The following GRID2 variants were observed in gnomAD, a reference collection of about 807,000 sequenced individuals.
GRID2 encodes the protein glutamate ionotropic receptor delta type subunit 2.
Under a neutral mutation model 114.8 loss-of-function variants are expected in GRID2, and 33 were observed. That is an observed-to-expected ratio of 0.29 (90% CI 0.22 to 0.38). The LOEUF (loss-of-function observed/expected upper bound fraction) is 0.38, where lower values mean the gene tolerates loss of function less well. GRID2 is among the 10% of genes least tolerant of loss of function. The pLI, the probability that GRID2 is intolerant of heterozygous loss-of-function variation, is 1.00. For synonymous variants in GRID2, 505 were observed against 449.9 expected (o/e 1.12, Z -1.55); for missense variants, 1,184 against 1,257.7 (o/e 0.94, Z 0.89).
At chr4:93,565,779 G>A (rs147678139) in intron 13 of GRID2, among the ~76,000 whole-genome samples, 2 of 151,932 alleles carry the variant, frequency 1.3e-5, no homozygotes, top group Admixed American at 1.3e-4. Context: ...AGCTTTCTTC[G>A]CATTTAGAGT....
intron 13 of GRID2, among the ~76,000 whole-genome samples, chr4:93,578,044 A>C (rs1191409272): frequency 1.3e-5 from 2 of 152,160 alleles, no homozygotes; most frequent in African/African-American, 4.8e-5. Context: ...AGCAGGTTTC[A>C]TTTGAGGGTG....
In GRID2 at chr4:93,016,896, T is replaced by C. The variant is rs190861888; in HGVS notation, c.245-68099T>C. Among the ~76,000 whole-genome samples, 104 of 152,326 alleles carry C rather than the reference T, an allele frequency of 6.8e-4. 1 individual carries two copies. The highest frequency in any genetic ancestry group is 2.4e-3 in the African/African-American group (99 of 41,592). On this transcript the variant is annotated intron_variant, in intron 2 of 15. Transcript: ENST00000282020. Reference sequence around the variant, plus strand: ...TGAAATTTTGTCTATTTTTTTTAAATGACTTTCTTGAGTAGCTAAAACCGT... The same window carrying C: ...TGAAATTTTGTCTATTTTTTTTAAACGACTTTCTTGAGTAGCTAAAACCGT...
chr4:93,171,218 G>A (rs1025143891), intron 4 of GRID2, among the ~76,000 whole-genome samples: 1 of 151,964 alleles, frequency 6.6e-6, no homozygotes, highest in African/African-American at 2.4e-5. Flanking sequence ...TACTCACTTG[G>A]CTCCAGCAAT....
intron 1 of GRID2, among the ~76,000 whole-genome samples, chr4:92,545,697 C>T (rs1386262666): frequency 6.6e-6 from 1 of 152,138 alleles, no homozygotes; most frequent in African/African-American, 2.4e-5. Flanking sequence ...ATATTATTCT[C>T]AATATGGTGC....
intron 1 of GRID2, among the ~76,000 whole-genome samples, chr4:92,454,709 G>C (rs368518801): frequency 2.0e-4 from 31 of 152,276 alleles, no homozygotes; most frequent in African/African-American, 7.2e-4. Flanking sequence ...GTTGGCAGGC[G>C]CCTGTAGTCC....
At chr4:93,352,434 A>C (rs572941211) in intron 8 of GRID2, among the ~76,000 whole-genome samples, 1 of 152,054 alleles carries the variant, frequency 6.6e-6, no homozygotes, top group Non-Finnish European at 1.5e-5. Flanking sequence ...AAACAGCTAC[A>C]TGTGAAAAAT....
intron 1 of GRID2, among the ~76,000 whole-genome samples, chr4:92,551,968 A>G (rs1253487731): frequency 6.6e-6 from 1 of 152,160 alleles, no homozygotes; most frequent in African/African-American, 2.4e-5. Flanking sequence ...AAAACCTAAG[A>G]TAAAGGCAAA....
intron 1 of GRID2, among the ~76,000 whole-genome samples, chr4:92,519,582 A>G (rs538824033): frequency 7.1e-4 from 106 of 150,118 alleles, no homozygotes; most frequent in African/African-American, 2.3e-3. Flanking sequence ...ATATGCATAT[A>G]TATATCTTAT....
intron 1 of GRID2, among the ~76,000 whole-genome samples, chr4:92,470,960 C>T (rs1187362315): frequency 6.6e-6 from 1 of 151,592 alleles, no homozygotes; most frequent in Admixed American, 6.6e-5. Flanking sequence ...ATACTGTCTA[C>T]ATACAGTATT....
At chr4:92,307,100 A>G (rs994602554) in intron 1 of GRID2, among the ~76,000 whole-genome samples, 1 of 152,208 alleles carries the variant, frequency 6.6e-6, no homozygotes, top group Non-Finnish European at 1.5e-5. Flanking sequence ...CAGCAAAAGT[A>G]TAGTAAATTC....
intron 1 of GRID2, among the ~76,000 whole-genome samples, chr4:92,463,394 A>T (rs975067152): frequency 1.3e-5 from 2 of 151,940 alleles, no homozygotes; most frequent in African/African-American, 4.8e-5. Flanking sequence ...ACATTTTTTG[A>T]ACCACCATAT....
rs186658722 is a variant in GRID2 at position 93,251,271 on chromosome 4, C to T, written c.1245+12781C>T. On this transcript the variant is annotated intron_variant, in intron 8 of 15. Coordinates refer to ENST00000282020, the MANE Select transcript of GRID2 (RefSeq NM_001510.4). ...GACCTTGATGATGAGTAATATTTTG[C>T]CTGTGATTTGAAGTAGCTCCTCTCT... 9.2e-5 allele frequency among the ~76,000 whole-genome samples: 14 copies of T among 152,110 alleles called. No individual in the cohort carries two copies. The East Asian group carries it at 2.7e-3, about 29-fold the overall frequency.
At chr4:93,499,393 A>G (rs1224439000) in intron 12 of GRID2, among the ~76,000 whole-genome samples, 1 of 151,940 alleles carries the variant, frequency 6.6e-6, no homozygotes, top group African/African-American at 2.4e-5. Context: ...ACTTCATCCA[A>G]TAAAGATGAA....
At chr4:92,815,940 G>GA (rs1560608928) in intron 2 of GRID2, among the ~76,000 whole-genome samples, 1 of 99,874 alleles carries the variant, frequency 1.0e-5, no homozygotes, top group Non-Finnish European at 2.1e-5. Context: ...AAAAAAAAAG[G>GA]AAAGAAAAAA....
At chr4:92,637,957 G>A (rs1047587566) in intron 2 of GRID2, among the ~76,000 whole-genome samples, 5 of 151,904 alleles carry the variant, frequency 3.3e-5, no homozygotes, top group African/African-American at 1.2e-4. Context: ...ATGCAAATTT[G>A]CAATTTAGGA....
At chr4:93,049,499 G>C (rs945190714) in intron 2 of GRID2, among the ~76,000 whole-genome samples, 7 of 151,334 alleles carry the variant, frequency 4.6e-5, no homozygotes, top group Admixed American at 2.0e-4. Context: ...ACAAATGTGA[G>C]TCTGAAATTA....
At chr4:93,250,731 CAT>C (rs1199793947) in intron 8 of GRID2, among the ~76,000 whole-genome samples, 1 of 143,782 alleles carries the variant, frequency 7.0e-6, no homozygotes, top group Non-Finnish European at 1.5e-5. Flanking sequence ...TGTATATGTG[CAT>C]ATATATAATG....
intron 2 of GRID2, among the ~76,000 whole-genome samples, chr4:92,727,762 A>T (rs1736132181): frequency 6.6e-6 from 1 of 152,060 alleles, no homozygotes; most frequent in African/African-American, 2.4e-5. Context: ...CATTTATAAA[A>T]TGCACCAAGC....
intron 1 of GRID2, among the ~76,000 whole-genome samples, chr4:92,380,431 T>A (rs1221129494): frequency 6.6e-6 from 1 of 151,990 alleles, no homozygotes; most frequent in Non-Finnish European, 1.5e-5. Context: ...AGATCTTTTG[T>A]GAAGATTAAA....
Sources: allele counts gnomAD v4.1 joint callset (sites outside exome capture counted in the v4.1 genomes callset), GRCh38; gene constraint gnomAD v4.1.1; transcripts MANE v1.5; gene names NCBI Gene and HGNC (gene_info 2026-07-23, HGNC 2026-07-21).